Variants in MCCC1 observed in about 807,000 individuals in gnomAD.
The protein encoded by MCCC1 is methylcrotonoyl-CoA carboxylase subunit alpha, mitochondrial.
MCCC1 carries 64 observed loss-of-function variants against 83.8 expected under a neutral mutation model. That is an observed-to-expected ratio of 0.76 (90% confidence interval 0.62 to 0.94). The LOEUF is 0.94. Ranked by LOEUF, MCCC1 falls within the 40% of genes least tolerant of loss-of-function variation. The pLI, the probability that MCCC1 is intolerant of heterozygous loss-of-function variation, is 0.00. For synonymous variants in MCCC1, 322 were observed against 315.4 expected (o/e 1.02, Z -0.22); for missense variants, 807 against 904.7 (o/e 0.89, Z 1.39).
chr3:183,114,687 G>C (rs2108589107), intron 1 of MCCC1, among the ~76,000 whole-genome samples: 1 of 152,296 alleles, frequency 6.6e-6, no homozygotes, highest in Middle Eastern at 3.4e-3. Context: ...CTTCCTCCTA[G>C]AGAGCAAGCC....
chr3:183,102,993 A>C (rs1014392614), upstream of MCCC1, among the ~76,000 whole-genome samples: 1 of 151,154 alleles, frequency 6.6e-6, no homozygotes, highest in Admixed American at 6.6e-5. Flanking sequence ...TTGTGTCTGG[A>C]ATTGGTGGGT....
chr3:183,099,515 C>T (rs954924100), upstream of MCCC1: 41 of 1,527,478 alleles, frequency 2.7e-5, no homozygotes, highest in Admixed American at 4.9e-4. Context: ...CCCGTTCCTC[C>T]ACTACGAAGC....
chr3:183,044,847 C>T (rs1249001338), intron 10 of MCCC1, among the ~76,000 whole-genome samples: 3 of 152,024 alleles, frequency 2.0e-5, no homozygotes, highest in Admixed American at 1.3e-4. Context: ...AACTGAACCC[C>T]GTCCAAAATG....
Position 183,020,341 on chromosome 3 carries a change from A to G in MCCC1, c.1870-104T>C, listed in dbSNP as rs1218359973. On this transcript the variant is annotated intron_variant, in intron 16 of 18. Coordinates refer to ENST00000265594, the MANE Select transcript of MCCC1 (RefSeq NM_020166.5). Reference sequence around the variant, plus strand: ...GTTTCCCAGCAATTTGTTAAATATTAGTCATCATGGCCAGGCCCAGTGGCT... The same window carrying G: ...GTTTCCCAGCAATTTGTTAAATATTGGTCATCATGGCCAGGCCCAGTGGCT... The G allele has an allele frequency of 8.2e-6, 8 of 975,612 alleles. No individual in the cohort carries two copies. In the East Asian group the frequency reaches 1.8e-4, roughly 22 times the overall value. 60.4% of individuals were successfully genotyped at this position (975,612 alleles called of 1,614,324 possible).
upstream of MCCC1, among the ~76,000 whole-genome samples, chr3:183,104,104 C>T (rs1272349072): frequency 2.0e-5 from 3 of 152,174 alleles, no homozygotes; most frequent in Non-Finnish European, 4.4e-5. Flanking sequence ...CCGCGCGCAG[C>T]CCCGGTTCCC....
chr3:183,020,630 CAA>C (rs567946721), intron 16 of MCCC1, among the ~76,000 whole-genome samples: 2 of 142,806 alleles, frequency 1.4e-5, no homozygotes, highest in South Asian at 2.2e-4. Context: ...GACTCTGACT[CAA>C]AAAAAAAAAT....
chr3:183,104,025 G>A (rs975203668), upstream of MCCC1, among the ~76,000 whole-genome samples: 3 of 152,148 alleles, frequency 2.0e-5, no homozygotes, highest in Non-Finnish European at 2.9e-5. Context: ...CGGCAGGGCC[G>A]GCCGGCTACT....
intron 3 of MCCC1, among the ~76,000 whole-genome samples, chr3:183,090,680 C>T (rs1718254818): frequency 6.6e-6 from 1 of 151,994 alleles, no homozygotes; most frequent in Non-Finnish European, 1.5e-5. Flanking sequence ...ACCTCCGCCT[C>T]CCGGGTTCAA....
At chr3:183,054,780 TG>T (rs1276089866) in intron 8 of MCCC1, among the ~76,000 whole-genome samples, 20 of 152,032 alleles carry the variant, frequency 1.3e-4, no homozygotes, top group Non-Finnish European at 2.8e-4. Flanking sequence ...ACATAGGAGG[TG>T]TATCATTTTA....
chr3:183,102,763 T>G (rs12054171), upstream of MCCC1, among the ~76,000 whole-genome samples: 13,200 of 71,112 alleles, frequency 0.19, 546 homozygotes, highest in South Asian at 0.26. Flanking sequence ...AGAAAGTTTT[T>G]TTTTTTTTTT....
chr3:183,088,528 C>T (rs1241998773), intron 3 of MCCC1, among the ~76,000 whole-genome samples: 1 of 152,126 alleles, frequency 6.6e-6, no homozygotes, highest in Non-Finnish European at 1.5e-5. Flanking sequence ...TTTAACTCCA[C>T]AAAACACAAA....
chr3:183,023,048 TG>T (rs1560205295), intron 15 of MCCC1, among the ~76,000 whole-genome samples: 1 of 152,210 alleles, frequency 6.6e-6, no homozygotes, highest in African/African-American at 2.4e-5. Context: ...GGCCCAATCA[TG>T]GGTTTCAGTT....
chr3:183,037,678 A>G (rs1044538314), intron 12 of MCCC1, among the ~76,000 whole-genome samples: 5 of 152,218 alleles, frequency 3.3e-5, no homozygotes, highest in Non-Finnish European at 5.9e-5. Flanking sequence ...TAAAAATTAC[A>G]TTTTAATATG....
chr3:183,040,257 A>G (rs2108476280), intron 11 of MCCC1, among the ~76,000 whole-genome samples: 1 of 152,060 alleles, frequency 6.6e-6, no homozygotes, highest in Admixed American at 6.6e-5. Context: ...GAAGATCTAA[A>G]TCCTCATTTT....
At chr3:183,037,562 A>G in intron 12 of MCCC1, 128 bp from the exon 13 acceptor site, 1 of 825,866 alleles carries the variant, frequency 1.2e-6, no homozygotes, top group Non-Finnish European at 2.0e-6. Context: ...AAACCTACTA[A>G]GGTACCATGT....
intron 9 of MCCC1, among the ~76,000 whole-genome samples, chr3:183,048,774 A>G (rs1260142079): frequency 6.6e-6 from 1 of 152,212 alleles, no homozygotes; most frequent in Non-Finnish European, 1.5e-5. Flanking sequence ...TCTATAGACT[A>G]TTTCATCCAA....
At chr3:183,071,767 T>TTATA (rs1716713573) in intron 5 of MCCC1, among the ~76,000 whole-genome samples, 1 of 151,558 alleles carries the variant, frequency 6.6e-6, no homozygotes, top group African/African-American at 2.4e-5. Flanking sequence ...AGTGGTGCAA[T>TTATA]TATACTTCAC....
At chr3:183,106,022 G>A (rs1719396677) in intron 1 of MCCC1, among the ~76,000 whole-genome samples, 1 of 147,670 alleles carries the variant, frequency 6.8e-6, no homozygotes, top group Non-Finnish European at 1.5e-5. Flanking sequence ...CTGGGAGGGG[G>A]AGGTTGCAGT....
chr3:183,055,151 C>A (rs529049217), intron 8 of MCCC1, among the ~76,000 whole-genome samples: 2 of 152,222 alleles, frequency 1.3e-5, no homozygotes, highest in East Asian at 3.9e-4. Flanking sequence ...AGCCTGTACT[C>A]CCAGCACTTT....
Sources: gnomAD v4.1 joint callset for allele counts (sites outside exome capture counted in the v4.1 genomes callset) on GRCh38, gnomAD v4.1.1 for gene constraint, MANE v1.5 for transcripts, NCBI Gene and HGNC (gene_info 2026-07-23, HGNC 2026-07-21) for gene names.